Variants in SINHCAF observed in about 807,000 individuals in gnomAD.
SINHCAF encodes SIN3-HDAC complex-associated factor.
SINHCAF carries 3 observed loss-of-function variants against 25.8 expected under a neutral mutation model. The observed-to-expected ratio is 0.12, with a 90% CI of 0.05 to 0.30. The LOEUF is 0.30. SINHCAF is among the 10% of genes least tolerant of loss of function. The pLI is 1.00. For synonymous variants in SINHCAF, 70 were observed against 85.5 expected, an observed-to-expected ratio of 0.82 and a Z score of 1.00; for missense variants, 121 against 262.3, an observed-to-expected ratio of 0.46 and a Z score of 3.72.
chr12:31,282,958 C>A, intron 5 of SINHCAF, 87 bp from the exon 6 acceptor site: 1 of 963,582 alleles, frequency 1.0e-6, no homozygotes, highest in Non-Finnish European at 1.5e-6. Context: ...ATAACTAGTC[C>A]AATATAACCA....
chr12:31,325,286 C>T lies in SINHCAF; in HGVS notation c.-21+738G>A. 1 of 455,916 alleles carries T rather than the reference C, an allele frequency of 2.2e-6. No homozygotes were observed. The highest frequency in any genetic ancestry group is 4.4e-6 in the Non-Finnish European group (1 of 226,606). 28.2% of individuals were successfully genotyped at this position (455,916 alleles called of 1,614,324 possible). A position where few individuals can be genotyped will look rare whatever the true frequency, so the allele number is the denominator to read the frequency against. On this transcript the variant is annotated intron_variant, in intron 1 of 5. Coordinates refer to ENST00000337682, the MANE Select transcript of SINHCAF (RefSeq NM_001135812.2). This position sits in a 1 kb window ranked among gnomAD's most constrained non-coding sequence, Gnocchi z 5.9. ...ACACCAGAGGCTCTTGGGCGCGGTC[C>T]GAAGAGGGCAGGCGAGTGGAAGACG...
At chr12:31,294,670 T>C (rs1052733023) in intron 3 of SINHCAF, among the ~76,000 whole-genome samples, 7 of 152,164 alleles carry the variant, frequency 4.6e-5, no homozygotes, top group Admixed American at 1.3e-4. Flanking sequence ...CCTATTATAA[T>C]AACATAACAC....
chr12:31,325,602 G>A lies in SINHCAF; in HGVS notation c.-21+422C>T, dbSNP rs1939939806. 1 of 186,706 alleles carries A rather than the reference G, an allele frequency of 5.4e-6. No individual in the cohort carries two copies. The highest frequency in any genetic ancestry group is 1.1e-5 in the Non-Finnish European group (1 of 87,172). The allele number at this position is 186,706 out of a possible 1,614,324, so 11.6% of individuals were successfully genotyped here. ...CGCCCACGCGGACGCACCGACCCCG[G>A]CCGCTGCGCGGTGGCCAACGAGTCG... On this transcript the variant is annotated intron_variant, in intron 1 of 5. Coordinates refer to ENST00000337682, the MANE Select transcript of SINHCAF (RefSeq NM_001135812.2). This position sits in a 1 kb window ranked among gnomAD's most constrained non-coding sequence, Gnocchi z 5.9.
In SINHCAF at chr12:31,295,596, G is replaced by GC. The variant is rs113343701; in HGVS notation, c.129-264dup. 4.4e-3 allele frequency among the ~76,000 whole-genome samples: 665 copies of GC among 152,330 alleles called. 6 individuals carry two copies. Among genetic ancestry groups the GC allele is most frequent in the African/African-American group, 0.015 (637 of 41,564 alleles). ...TAAAATTAAATAGGCCAGGCTGGGTGCGGTGGCTCACGCCTGCAATCCCAG... is the reference window on the plus strand; with the variant it reads ...TAAAATTAAATAGGCCAGGCTGGGTGCCGGTGGCTCACGCCTGCAATCCCAG... On this transcript the variant is annotated intron_variant, in intron 2 of 5. Transcript: ENST00000337682.
chr12:31,296,880 G>T, intron 2 of SINHCAF: 1 of 309,862 alleles, frequency 3.2e-6, no homozygotes, highest in Non-Finnish European at 6.5e-6. Context: ...ACAAACAAAC[G>T]ATTATATTGC....
intron 1 of SINHCAF, among the ~76,000 whole-genome samples, chr12:31,300,970 C>A (rs909144443): frequency 6.6e-6 from 1 of 152,182 alleles, no homozygotes; most frequent in African/African-American, 2.4e-5. Flanking sequence ...CCTATTACGA[C>A]AGACAGATTC....
At chr12:31,307,558 AAGAGAGAG>A (rs143612587) in intron 1 of SINHCAF, among the ~76,000 whole-genome samples, 1 of 150,604 alleles carries the variant, frequency 6.6e-6, no homozygotes. Context: ...CTGTCTAAAA[AAGAGAGAG>A]AGAGAGAGAG....
At chr12:31,316,381 T>C (rs1225037914) in intron 1 of SINHCAF, among the ~76,000 whole-genome samples, 2 of 152,316 alleles carry the variant, frequency 1.3e-5, no homozygotes, top group East Asian at 3.9e-4. Flanking sequence ...GGCTGATTTG[T>C]AGGGTTTTCT....
intron 1 of SINHCAF, among the ~76,000 whole-genome samples, chr12:31,308,733 C>A (rs1403771468): frequency 6.6e-6 from 1 of 152,100 alleles, no homozygotes; most frequent in South Asian, 2.1e-4. Context: ...ACATCACAGT[C>A]CAAGTATACC....
chr12:31,293,525 G>A (rs2137083734), intron 4 of SINHCAF, among the ~76,000 whole-genome samples: 1 of 152,254 alleles, frequency 6.6e-6, no homozygotes, highest in Non-Finnish European at 1.5e-5. Context: ...AGCTAGAAAT[G>A]CACCTTCTAG....
chr12:31,321,994 A>G (rs903234046), intron 1 of SINHCAF, among the ~76,000 whole-genome samples: 4 of 145,638 alleles, frequency 2.7e-5, no homozygotes, highest in African/African-American at 1.0e-4. Context: ...CTCTGGGGGA[A>G]AAAAAAAAAA....
chr12:31,302,434 C>CTA lies in SINHCAF; in HGVS notation c.-20-4211_-20-4210insTA, dbSNP rs1251757410. On this transcript the variant is annotated intron_variant, in intron 1 of 5. Coordinates refer to ENST00000337682, the MANE Select transcript of SINHCAF (RefSeq NM_001135812.2). ...ATAACTGAGTTAGGAATTCACTTGT[C>CTA]TTTATCATCTTTGTAAACTCATCAT... Among the ~76,000 whole-genome samples, 3 of 150,110 alleles carry CTA rather than the reference C, an allele frequency of 2.0e-5. No homozygotes were observed. In the Admixed American group the frequency reaches 2.0e-4, roughly 10 times the overall value.
At chr12:31,297,707 G>A (rs1353595279) in intron 2 of SINHCAF, among the ~76,000 whole-genome samples, 2 of 151,234 alleles carry the variant, frequency 1.3e-5, no homozygotes, top group African/African-American at 2.4e-5. Flanking sequence ...TCTTGACCTC[G>A]TGATCCGCCC....
At chr12:31,286,185 A>G (rs939308299) in intron 5 of SINHCAF, among the ~76,000 whole-genome samples, 4 of 152,106 alleles carry the variant, frequency 2.6e-5, no homozygotes, top group African/African-American at 9.7e-5. Flanking sequence ...AAATGCTTTC[A>G]TTTTATCACA....
chr12:31,313,569 A>C (rs1939368421), intron 1 of SINHCAF, among the ~76,000 whole-genome samples: 1 of 152,262 alleles, frequency 6.6e-6, no homozygotes, highest in Non-Finnish European at 1.5e-5. Context: ...TAATTTCCAC[A>C]AACATCCTGC....
chr12:31,323,615 C>A, intron 1 of SINHCAF, among the ~76,000 whole-genome samples: 1 of 152,110 alleles, frequency 6.6e-6, no homozygotes, highest in East Asian at 1.9e-4. Context: ...GTCATAGTTA[C>A]CAGAACAAAC....
intron 1 of SINHCAF, among the ~76,000 whole-genome samples, chr12:31,311,415 G>C (rs528884614): frequency 6.6e-6 from 1 of 152,302 alleles, no homozygotes; most frequent in Admixed American, 6.5e-5. Flanking sequence ...CAAATTCTTT[G>C]GTAAAGCAAA....
At chr12:31,308,823 C>T (rs973234524) in intron 1 of SINHCAF, among the ~76,000 whole-genome samples, 3 of 151,966 alleles carry the variant, frequency 2.0e-5, no homozygotes, top group Non-Finnish European at 4.4e-5. Context: ...CTACAGAGAT[C>T]CGCAACTGAA....
rs1937863599 is a variant in SINHCAF, at chr12:31,282,865, C to A, written c.513G>T (p.Lys171Asn). Reference sequence around the variant, plus strand: ...CTTTATAGATGATCCCACAACATATCTTCTGTCTAAAAGAAAAAATGGAGA... The same window carrying A: ...CTTTATAGATGATCCCACAACATATATTCTGTCTAAAAGAAAAAATGGAGA... ...FLDLTYWKRQ[K>N]ICCGIIYKGR... Residue 171 changes from lysine (K) to asparagine (N), a missense_variant, in exon 6 of 6, where the codon AAG (lysine) becomes AAT (asparagine). Lys to Asn is a moderately conservative substitution (Grantham distance 94). Coordinates refer to ENST00000337682, the MANE Select transcript of SINHCAF (RefSeq NM_001135812.2). 1 of 1,589,774 alleles carries A rather than the reference C, an allele frequency of 6.3e-7. No homozygotes were observed. The highest frequency in any genetic ancestry group is 8.5e-7 in the Non-Finnish European group (1 of 1,172,688).
Sources: gnomAD v4.1 joint callset for allele counts (sites outside exome capture counted in the v4.1 genomes callset) on GRCh38, gnomAD v4.1.1 for gene constraint, Gnocchi (gnomAD v3.1) non-coding constraint, MANE v1.5 for transcripts, NCBI Gene and HGNC (gene_info 2026-07-23, HGNC 2026-07-21) for gene names.